TBX18: variants seen among roughly 807,000 people sequenced by gnomAD.
TBX18 encodes the protein T-box transcription factor 18.
Under a neutral mutation model 55.0 loss-of-function variants are expected in TBX18, and 21 were observed. The observed-to-expected ratio is 0.38, with a 90% CI of 0.27 to 0.55. The LOEUF (loss-of-function observed/expected upper bound fraction) is 0.55. TBX18 is among the 20% of genes least tolerant of loss of function. The pLI is 0.73. For synonymous variants in TBX18, 342 were observed against 326.1 expected (o/e 1.05, Z -0.53); for missense variants, 840 against 799.6 (o/e 1.05, Z -0.61).
intron 5 of TBX18, among the ~76,000 whole-genome samples, chr6:84,746,914 A>T (rs1420155640): frequency 2.0e-5 from 3 of 151,598 alleles, no homozygotes; most frequent in Non-Finnish European, 4.4e-5. Flanking sequence ...ATTACATTTC[A>T]TGTTCCTTCC....
At chr6:84,753,431 TGAG>T (rs1196929270) in intron 4 of TBX18, among the ~76,000 whole-genome samples, 1 of 67,436 alleles carries the variant, frequency 1.5e-5, no homozygotes, top group East Asian at 3.0e-4. Context: ...AACTAGGAAC[TGAG>T]AAGAGAAAAA....
chr6:84,752,542 G>A (rs1471433791), intron 4 of TBX18, among the ~76,000 whole-genome samples: 1 of 152,078 alleles, frequency 6.6e-6, no homozygotes, highest in Non-Finnish European at 1.5e-5. Flanking sequence ...TTACAAATAC[G>A]TCCTTTCGAG....
chr6:84,752,193 A>C (rs543214459), intron 4 of TBX18, among the ~76,000 whole-genome samples: 88 of 152,326 alleles, frequency 5.8e-4, no homozygotes, highest in South Asian at 2.1e-3. Context: ...AGTCAAAAAA[A>C]AAAAGCATAA....
At chr6:84,741,227 G>C (rs1767039805) in intron 6 of TBX18, 1 of 152,280 alleles carries the variant, frequency 6.6e-6, no homozygotes. Context: ...AAAGATAAAA[G>C]GCACCTCCTG....
Position 84,760,242 on chromosome 6 carries a change from C to T in TBX18, c.599+13G>A. 6.6e-7 allele frequency: 1 copy of T among 1,508,728 alleles called. No homozygotes were observed. Among genetic ancestry groups the T allele is most frequent in the African/African-American group, 1.4e-5 (1 of 71,720 alleles). 93.5% of individuals were successfully genotyped at this position (1,508,728 alleles called of 1,614,324 possible). A position where few individuals can be genotyped will look rare whatever the true frequency, so the allele number is the denominator to read the frequency against. ...GTTTTTTTTTTTAATTGTTCAGTAT[C>T]TAATCACTGTACCTGTATCTTTTGT... On this transcript the variant is annotated intron_variant, in intron 3 of 7. Transcript: ENST00000369663.
intron 4 of TBX18, 124 bp from the exon 5 acceptor site, chr6:84,748,211 C>A: frequency 1.6e-6 from 1 of 625,772 alleles, no homozygotes; most frequent in Non-Finnish European, 2.5e-6. Context: ...GCAGAGGTGT[C>A]AATTTAATAA....
intron 7 of TBX18, among the ~76,000 whole-genome samples, chr6:84,738,138 G>A (rs1766934487): frequency 6.6e-6 from 1 of 152,094 alleles, no homozygotes; most frequent in African/African-American, 2.4e-5. Flanking sequence ...AGGCAATTCT[G>A]CTGAAGAAAG....
At chr6:84,739,011 G>A (rs1173629686) in intron 6 of TBX18, among the ~76,000 whole-genome samples, 1 of 152,162 alleles carries the variant, frequency 6.6e-6, no homozygotes, top group Non-Finnish European at 1.5e-5. Flanking sequence ...CACATTCCTA[G>A]AAAACCAGCT....
chr6:84,763,817 C>T, intron 1 of TBX18, 73 bp downstream of exon 1: 2 of 1,427,362 alleles, frequency 1.4e-6, no homozygotes, highest in South Asian at 1.5e-5. Context: ...GCGGCGCGCA[C>T]GCACACCCAC....
At chr6:84,754,942 C>T (rs554679006) in intron 4 of TBX18, among the ~76,000 whole-genome samples, 94 of 152,250 alleles carry the variant, frequency 6.2e-4, no homozygotes, top group African/African-American at 2.1e-3. Flanking sequence ...GTGCAGATTT[C>T]GGACTTGTCA....
At chr6:84,757,130 A>T (rs929742343) in intron 3 of TBX18, among the ~76,000 whole-genome samples, 1 of 152,228 alleles carries the variant, frequency 6.6e-6, no homozygotes, top group East Asian at 1.9e-4. Context: ...AAGCATATTC[A>T]TTCTTATGAA....
At chr6:84,762,440 C>T (rs1767675279) in intron 2 of TBX18, 104 bp downstream of exon 2, 1 of 1,379,534 alleles carries the variant, frequency 7.2e-7, no homozygotes, top group East Asian at 2.3e-5. Context: ...AAATGCTATC[C>T]AGAACCCCCA....
intron 5 of TBX18, 102 bp from the exon 6 acceptor site, chr6:84,744,427 C>CAATAGAG: frequency 1.1e-6 from 1 of 942,462 alleles, no homozygotes; most frequent in Non-Finnish European, 1.6e-6. Flanking sequence ...TGTTAGAGGA[C>CAATAGAG]TCTATTGTAT....
chr6:84,742,634 A>T (rs1767074533), intron 6 of TBX18: 1 of 152,186 alleles, frequency 6.6e-6, no homozygotes, highest in Non-Finnish European at 1.5e-5. Flanking sequence ...CCCCTGAGTC[A>T]GTAGCAGTGA....
chr6:84,757,199 T>G (rs551024371), intron 3 of TBX18, among the ~76,000 whole-genome samples: 13 of 152,336 alleles, frequency 8.5e-5, no homozygotes, highest in Non-Finnish European at 1.3e-4. Context: ...CTTCTGAATA[T>G]TCCATCGACA....
chr6:84,742,034 A>G (rs954058439), intron 6 of TBX18: 1 of 152,214 alleles, frequency 6.6e-6, no homozygotes, highest in Non-Finnish European at 1.5e-5. Flanking sequence ...AGTGAGAAGT[A>G]TTAGTAAATA....
Position 84,760,231 on chromosome 6 carries a change from T to A in TBX18, c.599+24A>T, listed in dbSNP as rs770942757. On this transcript the variant is annotated intron_variant, in intron 3 of 7. Coordinates refer to ENST00000369663, the MANE Select transcript of TBX18 (RefSeq NM_001080508.3). ...AAAATCCTAGTGTTTTTTTTTTTAATTGTTCAGTATCTAATCACTGTACCT... is the reference window on the plus strand; with the variant it reads ...AAAATCCTAGTGTTTTTTTTTTTAAATGTTCAGTATCTAATCACTGTACCT... 1.3e-5 allele frequency: 18 copies of A among 1,387,324 alleles called. No homozygotes were observed. In the South Asian group the frequency reaches 2.6e-4, roughly 20 times the overall value. The allele number at this position is 1,387,324 out of a possible 1,614,324, so 85.9% of individuals were successfully genotyped here.
Position 84,758,836 on chromosome 6 carries a change from CA to C in TBX18, c.599+1418del, listed in dbSNP as rs1185132209. On this transcript the variant is annotated intron_variant, in intron 3 of 7. Coordinates refer to ENST00000369663, the MANE Select transcript of TBX18 (RefSeq NM_001080508.3). ...TACAAACAAATTTCTTCTTGGGAAG[CA>C]ATATAAGTGAAAACAAATTATGTTT... Among the ~76,000 whole-genome samples the C allele has an allele frequency of 8.5e-5, 13 of 152,232 alleles. 1 individual carries two copies. In the South Asian group the frequency reaches 2.7e-3, roughly 32 times the overall value.
intron 4 of TBX18, among the ~76,000 whole-genome samples, chr6:84,756,370 A>C (rs1209591730): frequency 6.6e-6 from 1 of 152,204 alleles, no homozygotes; most frequent in African/African-American, 2.4e-5. Flanking sequence ...TTATTAACCC[A>C]ACTCCAAAGT....
Sources: allele counts gnomAD v4.1 joint callset (sites outside exome capture counted in the v4.1 genomes callset), GRCh38; gene constraint gnomAD v4.1.1; transcripts MANE v1.5; gene names NCBI Gene and HGNC (gene_info 2026-07-23, HGNC 2026-07-21).